DISC1: variants seen among roughly 807,000 people sequenced by gnomAD.
DISC1 encodes the protein DISC1 scaffold protein, also known as disrupted in schizophrenia 1 protein.
In DISC1, 57 loss-of-function variants were observed where a neutral mutation model predicts 84.5. The observed-to-expected ratio is 0.67, with a 90% CI of 0.55 to 0.84. The LOEUF (loss-of-function observed/expected upper bound fraction) is 0.84, where lower values mean the gene tolerates loss of function less well. DISC1 is among the 40% of genes least tolerant of loss of function. The probability of loss-of-function intolerance (pLI) is 0.00; values close to 1 mark genes in which losing one functional copy is unlikely to be tolerated. For missense variants in DISC1, 1,000 were observed against 1,057.8 expected, an observed-to-expected ratio of 0.95 and a Z score of 0.76; for synonymous variants, 411 against 415.2, an observed-to-expected ratio of 0.99 and a Z score of 0.12.
intron 9 of DISC1, among the ~76,000 whole-genome samples, chr1:231,957,422 T>C (rs1207035650): frequency 2.6e-5 from 4 of 152,192 alleles, no homozygotes; most frequent in South Asian, 4.1e-4. Context: ...TAATGTTTTA[T>C]GGAATTTTTA....
At chr1:231,963,847 C>T (rs1660732578) in intron 10 of DISC1, among the ~76,000 whole-genome samples, 1 of 152,110 alleles carries the variant, frequency 6.6e-6, no homozygotes, top group South Asian at 2.1e-4. Context: ...GTGAGAGGGT[C>T]ATGATCCATG....
chr1:231,973,925 T>C (rs201086896), intron 10 of DISC1, among the ~76,000 whole-genome samples: 3 of 152,192 alleles, frequency 2.0e-5, no homozygotes, highest in Non-Finnish European at 4.4e-5. Context: ...CGGAGTACCC[T>C]CCTCACACCC....
At chr1:231,981,341 A>G (rs1663579029) in intron 10 of DISC1, among the ~76,000 whole-genome samples, 1 of 152,236 alleles carries the variant, frequency 6.6e-6, no homozygotes, top group Non-Finnish European at 1.5e-5. Flanking sequence ...AAAATGTATC[A>G]TATCAGATTT....
chr1:231,906,985 CT>C (rs1374594342), intron 9 of DISC1, among the ~76,000 whole-genome samples: 1 of 150,446 alleles, frequency 6.6e-6, no homozygotes, highest in African/African-American at 2.5e-5. Flanking sequence ...TCTTTTCTTT[CT>C]TTTCTTTCTT....
intron 1 of DISC1, among the ~76,000 whole-genome samples, chr1:231,627,350 G>T (rs1558189716): frequency 6.6e-6 from 1 of 152,246 alleles, no homozygotes; most frequent in Non-Finnish European, 1.5e-5. Flanking sequence ...GCCCCCTCGG[G>T]ACAGGGGACG....
intron 3 of DISC1, among the ~76,000 whole-genome samples, chr1:231,726,480 T>A (rs1213292687): frequency 6.6e-6 from 1 of 152,126 alleles, no homozygotes; most frequent in Non-Finnish European, 1.5e-5. Context: ...TTACACATGC[T>A]CAGTCTTAGG....
intron 1 of DISC1, among the ~76,000 whole-genome samples, chr1:231,690,374 C>T (rs1290118584): frequency 6.6e-6 from 1 of 152,160 alleles, no homozygotes; most frequent in African/African-American, 2.4e-5. Context: ...ATGGGTGGAA[C>T]GAGGCATCTC....
intron 4 of DISC1, among the ~76,000 whole-genome samples, chr1:231,755,926 C>A (rs1163484823): frequency 6.6e-6 from 1 of 152,196 alleles, no homozygotes; most frequent in African/African-American, 2.4e-5. Flanking sequence ...TCCATTATTA[C>A]CACCTCTCAT....
intron 10 of DISC1, among the ~76,000 whole-genome samples, chr1:231,996,950 G>A (rs201130819): frequency 2.8e-4 from 42 of 152,150 alleles, no homozygotes; most frequent in Admixed American, 4.6e-4. Flanking sequence ...TGATCTAATT[G>A]TTTTCCCTGG....
intron 1 of DISC1, among the ~76,000 whole-genome samples, chr1:231,669,903 T>A (rs2062422891): frequency 6.6e-6 from 1 of 152,042 alleles, no homozygotes; most frequent in South Asian, 2.1e-4. Flanking sequence ...ATCTTTCTAT[T>A]ATAAAGACAC....
intron 9 of DISC1, among the ~76,000 whole-genome samples, chr1:231,891,159 A>T (rs75457582): frequency 0.035 from 5,322 of 152,224 alleles, 102 homozygotes; most frequent in East Asian, 0.067. Flanking sequence ...GAAGGAGGAG[A>T]ATTGTCTTGG....
At chr1:231,696,031 C>A (rs2065654371) in intron 2 of DISC1, among the ~76,000 whole-genome samples, 2 of 152,086 alleles carry the variant, frequency 1.3e-5, no homozygotes, top group South Asian at 4.1e-4. Flanking sequence ...CCTTGTCTTT[C>A]CCCGAAACCC....
chr1:231,710,337 C>G (rs1162333986), intron 3 of DISC1, among the ~76,000 whole-genome samples: 1 of 152,044 alleles, frequency 6.6e-6, no homozygotes, highest in Non-Finnish European at 1.5e-5. Context: ...CAGAGCAAGA[C>G]CCTGTCTCAA....
intron 1 of DISC1, among the ~76,000 whole-genome samples, chr1:231,671,772 C>T (rs2062642421): frequency 6.6e-6 from 1 of 152,150 alleles, no homozygotes; most frequent in South Asian, 2.1e-4. Flanking sequence ...CAGTTGCTAG[C>T]CATGTGAGGT....
chr1:231,857,206 G>A (rs2084332143), intron 9 of DISC1, among the ~76,000 whole-genome samples: 1 of 152,202 alleles, frequency 6.6e-6, no homozygotes, highest in Admixed American at 6.5e-5. Context: ...ACAACAGAAA[G>A]GCAAGGGCTC....
intron 3 of DISC1, among the ~76,000 whole-genome samples, chr1:231,707,943 C>T (rs1287788029): frequency 6.6e-6 from 1 of 152,110 alleles, no homozygotes; most frequent in Non-Finnish European, 1.5e-5. Flanking sequence ...ATTCTGAAAA[C>T]CAAATGTGGG....
intron 9 of DISC1, among the ~76,000 whole-genome samples, chr1:231,928,874 A>T (rs1303666457): frequency 6.6e-6 from 1 of 152,162 alleles, no homozygotes; most frequent in Non-Finnish European, 1.5e-5. Context: ...GTTTTGAGTG[A>T]GTTTCTTAAT....
chr1:231,788,754 TAC>T (rs2078083452), intron 6 of DISC1, among the ~76,000 whole-genome samples: 1 of 152,120 alleles, frequency 6.6e-6, no homozygotes, highest in Non-Finnish European at 1.5e-5. Flanking sequence ...ACCCCAGCCA[TAC>T]AGTCAAGAGC....
intron 9 of DISC1, among the ~76,000 whole-genome samples, chr1:231,942,258 C>T (rs2091388208): frequency 6.6e-6 from 1 of 152,158 alleles, no homozygotes; most frequent in African/African-American, 2.4e-5. Flanking sequence ...TAGGCTCCTC[C>T]CCTAAGAGGG....
Sources: gnomAD v4.1 joint callset for allele counts (sites outside exome capture counted in the v4.1 genomes callset) on GRCh38, gnomAD v4.1.1 for gene constraint, MANE v1.5 for transcripts, NCBI Gene and HGNC (gene_info 2026-07-23, HGNC 2026-07-21) for gene names.